Variants in ZDHHC20 observed in about 807,000 individuals in gnomAD.
The protein encoded by ZDHHC20 is palmitoyltransferase ZDHHC20.
A neutral mutation model predicts 57.8 loss-of-function variants in ZDHHC20; 43 were observed. The ratio of observed to expected loss-of-function variants is 0.74; its 90% CI spans 0.58 to 0.96. The LOEUF is 0.96. Among genes scored for constraint, ZDHHC20 ranks in the 40% least tolerant of loss-of-function variants. ZDHHC20 has a pLI of 0.00. For synonymous variants in ZDHHC20, 157 were observed against 153.0 expected (o/e 1.03, Z -0.19); for missense variants, 391 against 441.1 (o/e 0.89, Z 1.02).
At chr13:21,420,730 G>A (rs1880550567) in intron 3 of ZDHHC20, among the ~76,000 whole-genome samples, 2 of 152,188 alleles carry the variant, frequency 1.3e-5, no homozygotes, top group Admixed American at 6.5e-5. Context: ...TATAAATGTT[G>A]AGAGTTTCTA....
chr13:21,415,715 T>C (rs1477076302), intron 3 of ZDHHC20, among the ~76,000 whole-genome samples: 1 of 152,226 alleles, frequency 6.6e-6, no homozygotes, highest in Non-Finnish European at 1.5e-5. Flanking sequence ...GTCTCTTACA[T>C]ATTCATAGTA....
intron 2 of ZDHHC20, among the ~76,000 whole-genome samples, chr13:21,421,827 T>C (rs1880682264): frequency 6.6e-6 from 1 of 152,200 alleles, no homozygotes; most frequent in Non-Finnish European, 1.5e-5. Context: ...ATCTATCAGA[T>C]GCTTAAACTC....
chr13:21,393,126 G>C (rs555463756), intron 7 of ZDHHC20, among the ~76,000 whole-genome samples: 1 of 150,380 alleles, frequency 6.6e-6, no homozygotes, highest in South Asian at 2.1e-4. Context: ...ATTTTCTCAA[G>C]AAATACAAAA....
chr13:21,446,944 G>A (rs1883763990), intron 1 of ZDHHC20, among the ~76,000 whole-genome samples: 1 of 152,096 alleles, frequency 6.6e-6, no homozygotes, highest in Non-Finnish European at 1.5e-5. Flanking sequence ...ATGCCTTAAA[G>A]GCCATGGTAA....
At chr13:21,435,904 G>C (rs1882492263) in intron 1 of ZDHHC20, among the ~76,000 whole-genome samples, 1 of 152,202 alleles carries the variant, frequency 6.6e-6, no homozygotes, top group Admixed American at 6.5e-5. Context: ...GAAAGGAAGG[G>C]GGAAGAGGTA....
intron 1 of ZDHHC20, among the ~76,000 whole-genome samples, chr13:21,443,646 A>G (rs1244202056): frequency 1.3e-5 from 2 of 152,258 alleles, no homozygotes; most frequent in Admixed American, 6.5e-5. Flanking sequence ...AACTGAAGAA[A>G]AATATGCATC....
intron 11 of ZDHHC20, 85 bp downstream of exon 11, chr13:21,381,349 C>A: frequency 9.2e-7 from 1 of 1,087,108 alleles, no homozygotes. Flanking sequence ...TAAAATGTTA[C>A]ATTATTTTGA....
chr13:21,455,627 T>C (rs990415672), intron 1 of ZDHHC20, among the ~76,000 whole-genome samples: 4 of 130,932 alleles, frequency 3.1e-5, no homozygotes, highest in Non-Finnish European at 4.8e-5. Context: ...TTACTCCCAG[T>C]GAAGTGGTGT....
rs754750454 is a variant in ZDHHC20, at chr13:21,391,718, T to C, written c.727+4A>G. ...GTAATTATAATTTATTTTAACCTACTTACCTATTGTTGTTCTATTTTTTCC... is the reference window on the plus strand; with the variant it reads ...GTAATTATAATTTATTTTAACCTACCTACCTATTGTTGTTCTATTTTTTCC... On this transcript the variant is annotated splice_donor_region_variant and intron_variant, in intron 8 of 12. Coordinates refer to ENST00000400590, the MANE Select transcript of ZDHHC20 (RefSeq NM_001330059.2). The C allele has an allele frequency of 6.2e-7, 1 of 1,600,038 alleles. No homozygotes were observed. The highest frequency in any genetic ancestry group is 8.5e-7 in the Non-Finnish European group (1 of 1,176,898).
chr13:21,458,829 G>A (rs541805727), intron 1 of ZDHHC20, among the ~76,000 whole-genome samples: 104 of 152,302 alleles, frequency 6.8e-4, no homozygotes, highest in African/African-American at 2.3e-3. Context: ...CTGCACCCGG[G>A]AAGCCGCCGC....
chr13:21,393,980 C>A (rs1320566210), intron 7 of ZDHHC20, among the ~76,000 whole-genome samples: 7 of 152,368 alleles, frequency 4.6e-5, no homozygotes, highest in African/African-American at 1.7e-4. Context: ...TTCACTGCTT[C>A]TACCTTATTC....
intron 1 of ZDHHC20, among the ~76,000 whole-genome samples, chr13:21,442,425 C>G (rs777510549): frequency 6.6e-6 from 1 of 152,164 alleles, no homozygotes; most frequent in African/African-American, 2.4e-5. Context: ...TATTTCAGAT[C>G]TTCCTGCTCG....
At position 21,426,178 on chromosome 13, in the gene ZDHHC20, G is replaced by A. The variant is rs375034810; in HGVS notation, c.119-500C>T. 1.8e-3 allele frequency among the ~76,000 whole-genome samples: 280 copies of A among 152,092 alleles called. 2 individuals carry two copies. Among genetic ancestry groups the A allele is most frequent in the African/African-American group, 6.4e-3 (267 of 41,526 alleles). ...TCAAATACTGAAGAAGTCAGACTAC[G>A]CACAGAAAAGGTAATTCAGTGTCTA... On this transcript the variant is annotated intron_variant, in intron 1 of 12. Transcript: ENST00000400590.
chr13:21,459,275 C>T lies in ZDHHC20; in HGVS notation c.-104G>A, dbSNP rs1885202622. The T allele has an allele frequency of 1.2e-6, 1 of 836,982 alleles. No homozygotes were observed. The highest frequency in any genetic ancestry group is 1.8e-5 in the African/African-American group (1 of 55,244). The allele number at this position is 836,982 out of a possible 1,614,324, so 51.8% of individuals were successfully genotyped here. A position where few individuals can be genotyped will look rare whatever the true frequency, so the allele number is the denominator to read the frequency against. On this transcript the variant is annotated 5_prime_UTR_variant, in exon 1 of 13. Transcript: ENST00000400590. Reference sequence around the variant, plus strand: ...TCCAGGCGGCTGCTGGTCCAGCTCCCCCGCCTCCGAGGCAGGACTTGTGGG... The same window carrying T: ...TCCAGGCGGCTGCTGGTCCAGCTCCTCCGCCTCCGAGGCAGGACTTGTGGG...
At chr13:21,453,382 G>C (rs1884636539) in intron 1 of ZDHHC20, among the ~76,000 whole-genome samples, 1 of 152,200 alleles carries the variant, frequency 6.6e-6, no homozygotes, top group East Asian at 1.9e-4. Context: ...CTTAATAACT[G>C]AGAGAACAAA....
chr13:21,376,947 T>C, intron 12 of ZDHHC20: 1 of 200,614 alleles, frequency 5.0e-6, no homozygotes. Flanking sequence ...CACCTACACC[T>C]GTCCTAAGAT....
At chr13:21,430,140 T>A (rs1398556116) in intron 1 of ZDHHC20, among the ~76,000 whole-genome samples, 1 of 152,190 alleles carries the variant, frequency 6.6e-6, no homozygotes, top group Non-Finnish European at 1.5e-5. Context: ...GGTTTTCAAT[T>A]GTATCCTGAA....
intron 12 of ZDHHC20, among the ~76,000 whole-genome samples, chr13:21,377,450 CGACG>C (rs1872363783): frequency 8.5e-6 from 1 of 117,164 alleles, no homozygotes; most frequent in African/African-American, 3.9e-5. Flanking sequence ...TGACTCTGCC[CGACG>C]TGACCTCCAC....
chr13:21,379,440 C>G (rs1403593423), intron 11 of ZDHHC20, among the ~76,000 whole-genome samples: 1 of 152,080 alleles, frequency 6.6e-6, no homozygotes, highest in African/African-American at 2.4e-5. Context: ...TGCTATCAGG[C>G]CTAGAAAATT....
Sources: allele counts gnomAD v4.1 joint callset (sites outside exome capture counted in the v4.1 genomes callset), GRCh38; gene constraint gnomAD v4.1.1; transcripts MANE v1.5; gene names NCBI Gene and HGNC (gene_info 2026-07-23, HGNC 2026-07-21).